The following IBA57 variants were observed in gnomAD, a reference collection of about 807,000 sequenced individuals.
IBA57 encodes the protein iron-sulfur cluster assembly factor IBA57, mitochondrial.
Under a neutral mutation model 20.4 loss-of-function variants are expected in IBA57, and 20 were observed. The ratio of observed to expected loss-of-function variants is 0.98; its 90% confidence interval spans 0.69 to 1.42. The LOEUF (loss-of-function observed/expected upper bound fraction) is 1.42. Ranked by LOEUF, IBA57 falls within the 40% of genes most tolerant of loss-of-function variation. IBA57 has a pLI of 0.00. For missense variants in IBA57, 608 were observed against 499.3 expected (o/e 1.22, Z -2.07); for synonymous variants, 310 against 233.9 (o/e 1.33, Z -2.97).
Position 228,176,835 on chromosome 1 carries a change from G to C in IBA57, c.*1322G>C, listed in dbSNP as rs890914881. 6.6e-6 allele frequency: 1 copy of C among 151,878 alleles called. No homozygotes were observed. The highest frequency in any genetic ancestry group is 1.5e-5 in the Non-Finnish European group (1 of 68,014). 9.4% of individuals were successfully genotyped at this position (151,878 alleles called of 1,614,324 possible). ...GGAGGAGGGTGTAGAGCGGATGGACGGGAGGAAGCGGCTGCAGCTGGAGGG... is the reference window on the plus strand; with the variant it reads ...GGAGGAGGGTGTAGAGCGGATGGACCGGAGGAAGCGGCTGCAGCTGGAGGG... On this transcript the variant is annotated 3_prime_UTR_variant, in exon 3 of 3. Coordinates refer to ENST00000366711, the MANE Select transcript of IBA57 (RefSeq NM_001010867.4).
At position 228,179,561 on chromosome 1, in the gene IBA57, GAGA is replaced by G. The variant is rs1262807834; in HGVS notation, c.*4050_*4052del. On this transcript the variant is annotated 3_prime_UTR_variant, in exon 3 of 3. Coordinates refer to ENST00000366711, the MANE Select transcript of IBA57 (RefSeq NM_001010867.4). ...AATATGGGGTGGAGGCAAGTATTCA[GAGA>G]AATACGGCTGAGAACTTTCCCAAAC... 3 of 152,148 alleles carry G rather than the reference GAGA, an allele frequency of 2.0e-5. No individual in the cohort carries two copies. The highest frequency in any genetic ancestry group is 7.2e-5 in the African/African-American group (3 of 41,440). 9.4% of individuals were successfully genotyped at this position (152,148 alleles called of 1,614,324 possible). A position where few individuals can be genotyped will look rare whatever the true frequency, so the allele number is the denominator to read the frequency against.
At position 228,170,781 on chromosome 1, in the gene IBA57, G is replaced by C. The variant is rs996667534; in HGVS notation, c.342-3911G>C. On this transcript the variant is annotated intron_variant, in intron 1 of 2. Transcript: ENST00000366711. The surrounding 1 kb of genome is among the most constrained non-coding windows in gnomAD (Gnocchi z 4.8). The stretch of plus-strand genomic sequence containing the variant: ...GTGTCAGGGCTGTGGCCTTGTGTCT[G>C]GCCAGCACTGAGGAGCAGGAGAGAC... Among the ~76,000 whole-genome samples the C allele has an allele frequency of 1.4e-4, 21 of 152,214 alleles. No individual in the cohort carries two copies. The highest frequency in any genetic ancestry group is 2.9e-4 in the Non-Finnish European group (20 of 68,046).
rs780361205 is a variant in IBA57, at chr1:228,179,652, G to C, written c.*4139G>C. The C allele has an allele frequency of 4.6e-5, 7 of 152,182 alleles. No individual in the cohort carries two copies. The highest frequency in any genetic ancestry group is 1.0e-4 in the Non-Finnish European group (7 of 68,032). The allele number at this position is 152,182 out of a possible 1,614,324, so 9.4% of individuals were successfully genotyped here. On this transcript the variant is annotated 3_prime_UTR_variant, in exon 3 of 3. Coordinates refer to ENST00000366711, the MANE Select transcript of IBA57 (RefSeq NM_001010867.4). ...AGCTCCCAAGCAGCATAGTTAAAAAGCTCTACCCAAACAGTCACGTCTTGG... is the reference window on the plus strand; with the variant it reads ...AGCTCCCAAGCAGCATAGTTAAAAACCTCTACCCAAACAGTCACGTCTTGG...
intron 1 of IBA57, among the ~76,000 whole-genome samples, chr1:228,174,162 TGTGG>T (rs2034968283): frequency 2.3e-5 from 3 of 132,342 alleles, no homozygotes; most frequent in Admixed American, 7.5e-5. Flanking sequence ...CGTGGCTCGC[TGTGG>T]GCGTGGCTCG....
chr1:228,166,534 C>G (rs1161749987), intron 1 of IBA57, among the ~76,000 whole-genome samples: 1 of 152,078 alleles, frequency 6.6e-6, no homozygotes, highest in African/African-American at 2.4e-5. Flanking sequence ...CCAAGTGGGC[C>G]ATCTGGTGAC....
At chr1:228,174,201 G>A (rs1277013804) in intron 1 of IBA57, among the ~76,000 whole-genome samples, 1 of 28,170 alleles carries the variant, frequency 3.5e-5, no homozygotes, top group Admixed American at 2.8e-4. Flanking sequence ...CGCTGTGGGC[G>A]TGGCTCGCTG....
In IBA57 at chr1:228,175,459, C is replaced by T. The variant is rs2124977388; in HGVS notation, c.1017C>T (p.Ala339=). ...GPLHIRASEG[A]QVALAASVPD... ...TGCACATCAGAGCCTCTGAGGGTGCCCAGGTGGCCTTAGCCGCATCTGTGC... is the reference window on the plus strand; with the variant it reads ...TGCACATCAGAGCCTCTGAGGGTGCTCAGGTGGCCTTAGCCGCATCTGTGC... The change falls in exon 3 of 3, where the codon GCC becomes GCT. Residue 339 remains alanine, a synonymous_variant. Transcript: ENST00000366711. 6.2e-7 allele frequency: 1 copy of T among 1,604,492 alleles called. No homozygotes were observed.
intron 1 of IBA57, among the ~76,000 whole-genome samples, chr1:228,166,873 C>T (rs1261967097): frequency 6.6e-6 from 1 of 152,090 alleles, no homozygotes; most frequent in African/African-American, 2.4e-5. Flanking sequence ...TATGGCGGAC[C>T]CGGTTCTTGT....
chr1:228,173,408 C>G (rs1400717333), intron 1 of IBA57: 1 of 137,668 alleles, frequency 7.3e-6, no homozygotes. Flanking sequence ...TGCCCCCCCC[C>G]CCGACATGCC....
chr1:228,171,840 G>A (rs1934881), intron 1 of IBA57: 146,270 of 153,214 alleles, frequency 0.95, 70,209 homozygotes, highest in East Asian at 1. Flanking sequence ...CTGCCTGTCC[G>A]GCGCCCAGCA....
rs1158644864 is a variant in IBA57, at chr1:228,180,401, G to C, written c.*4888G>C. On this transcript the variant is annotated 3_prime_UTR_variant, in exon 3 of 3. Transcript: ENST00000366711. ...TCTACTTAGAATGCCTACTTTTGGA[G>C]TTTATAAAAAAGATGCCACATGTTG... 6.6e-6 allele frequency: 1 copy of C among 152,078 alleles called. No individual in the cohort carries two copies. The highest frequency in any genetic ancestry group is 2.4e-5 in the African/African-American group (1 of 41,402). The allele number at this position is 152,078 out of a possible 1,614,324, so 9.4% of individuals were successfully genotyped here.
At position 228,181,455 on chromosome 1, in the gene IBA57, ACTC is replaced by A. The variant is rs1441860941; in HGVS notation, c.*5946_*5948del. The A allele has an allele frequency of 6.6e-6, 1 of 151,914 alleles. No homozygotes were observed. The highest frequency in any genetic ancestry group is 1.5e-5 in the Non-Finnish European group (1 of 68,058). The allele number at this position is 151,914 out of a possible 1,614,324, so 9.4% of individuals were successfully genotyped here. ...CCCTGTCTCACCTGGAAGCTCTCCC[ACTC>A]CTCTGGCCAGCCTGGGCATCTCCAC... On this transcript the variant is annotated 3_prime_UTR_variant, in exon 3 of 3. Coordinates refer to ENST00000366711, the MANE Select transcript of IBA57 (RefSeq NM_001010867.4).
At chr1:228,168,688 C>T (rs2034885733) in intron 1 of IBA57, among the ~76,000 whole-genome samples, 1 of 152,088 alleles carries the variant, frequency 6.6e-6, no homozygotes. Context: ...GGTGTGTCCG[C>T]CACTGTTCTG....
rs567029973 is a variant in IBA57, at chr1:228,166,124, A to G, written c.308A>G (p.Gln103Arg). 1.2e-5 allele frequency: 18 copies of G among 1,534,720 alleles called. No individual in the cohort carries two copies. In the South Asian group the frequency reaches 1.7e-4, roughly 15 times the overall value. ...GGCTACGCCCACTTCCTGAACGTGC[A>G]GGGCCGGACGCTCTATGACGTCATC... The part of the protein sequence containing the change: ...RAGYAHFLNV[Q>R]GRTLYDVILY... Residue 103 changes from glutamine (Q) to arginine (R), a missense_variant, in exon 1 of 3, where the codon CAG (glutamine) becomes CGG (arginine). Physicochemically the swap from Gln to Arg is conservative, Grantham distance 43 (BLOSUM62 1). Transcript: ENST00000366711.
intron 1 of IBA57, chr1:228,172,195 C>G (rs572447405): frequency 6.6e-6 from 1 of 151,832 alleles, no homozygotes; most frequent in African/African-American, 2.4e-5. Flanking sequence ...GGACCCCTCC[C>G]CAGTTCCCCT....
At position 228,175,289 on chromosome 1, in the gene IBA57, C is replaced by G; in HGVS notation, c.847C>G (p.Arg283Gly). ...CATCCGCAAGCGCCTCTTCCCTGTCCGGTTCTTGGACCCCCTTCCCACCAG... is the reference window on the plus strand; with the variant it reads ...CATCCGCAAGCGCCTCTTCCCTGTCGGGTTCTTGGACCCCCTTCCCACCAG... ...GVIRKRLFPVRFLDPLPTSGI... is the reference protein window; with the variant it reads ...GVIRKRLFPVGFLDPLPTSGI... Residue 283 changes from arginine to glycine, a missense_variant, in exon 3 of 3, where the codon CGG (arginine) becomes GGG (glycine). Physicochemically the swap from Arg to Gly is moderately radical, Grantham distance 125. Transcript: ENST00000366711. The G allele has an allele frequency of 6.2e-7, 1 of 1,612,828 alleles. No homozygotes were observed. The highest frequency in any genetic ancestry group is 8.5e-7 in the Non-Finnish European group (1 of 1,179,970).
At chr1:228,174,015 G>C (rs935943697) in intron 1 of IBA57, among the ~76,000 whole-genome samples, 2 of 152,194 alleles carry the variant, frequency 1.3e-5, no homozygotes, top group Admixed American at 1.3e-4. Flanking sequence ...TTGTCTGCAC[G>C]CACCCTCGCA....
At chr1:228,168,965 CCTT>C (rs1359421619) in intron 1 of IBA57, among the ~76,000 whole-genome samples, 2 of 152,302 alleles carry the variant, frequency 1.3e-5, no homozygotes, top group African/African-American at 4.8e-5. Context: ...AAGGTTACCT[CCTT>C]GAGTGTCTCC....
In IBA57 at chr1:228,176,822, A is replaced by AGAGC. The variant is rs2035031380; in HGVS notation, c.*1311_*1314dup. 6.6e-6 allele frequency: 1 copy of AGAGC among 152,442 alleles called. No homozygotes were observed. The highest frequency in any genetic ancestry group is 1.5e-5 in the Non-Finnish European group (1 of 68,200). The allele number at this position is 152,442 out of a possible 1,614,324, so 9.4% of individuals were successfully genotyped here. A position where few individuals can be genotyped will look rare whatever the true frequency, so the allele number is the denominator to read the frequency against. On this transcript the variant is annotated 3_prime_UTR_variant, in exon 3 of 3. Transcript: ENST00000366711. ...TTGTGATCACCCAGGAGGAGGGTGT[A>AGAGC]GAGCGGATGGACGGGAGGAAGCGGC... is the stretch of plus-strand genomic sequence containing the variant.
Sources: gnomAD v4.1 joint callset for allele counts (sites outside exome capture counted in the v4.1 genomes callset) on GRCh38, gnomAD v4.1.1 for gene constraint, Gnocchi (gnomAD v3.1) non-coding constraint, MANE v1.5 for transcripts, NCBI Gene and HGNC (gene_info 2026-07-23, HGNC 2026-07-21) for gene names.